DBH: variants seen among roughly 807,000 people sequenced by gnomAD.
The protein encoded by DBH is dopamine beta-hydroxylase.
In DBH, 49 loss-of-function variants were observed where a neutral mutation model predicts 64.0. The ratio of observed to expected loss-of-function variants is 0.77; its 90% CI spans 0.61 to 0.97. DBH has a LOEUF of 0.97. DBH is among the 50% of genes least tolerant of loss of function. The probability of loss-of-function intolerance (pLI) is 0.00; values close to 1 mark genes in which losing one functional copy is unlikely to be tolerated. For synonymous variants in DBH, 343 were observed against 347.1 expected, an observed-to-expected ratio of 0.99 and a Z score of 0.13; for missense variants, 828 against 826.6, an observed-to-expected ratio of 1.00 and a Z score of -0.02.
chr9:133,637,099 C>T (rs1288612869), intron 1 of DBH, among the ~76,000 whole-genome samples: 1 of 152,228 alleles, frequency 6.6e-6, no homozygotes, highest in Non-Finnish European at 1.5e-5. Flanking sequence ...CCCCAGAGCA[C>T]ACATGCCCAC....
In DBH at chr9:133,636,700, C is replaced by A; in HGVS notation, c.329C>A (p.Ala110Asp). The A allele has an allele frequency of 1.2e-6, 2 of 1,602,506 alleles. No homozygotes were observed. The highest frequency in any genetic ancestry group is 1.7e-6 in the Non-Finnish European group (2 of 1,179,914). ...LVVLWTDGDT[A>D]YFADAWSDQK... ...GTGCTCTGGACCGATGGGGACACTG[C>A]CTATTTTGCGGTGAGTCTCTCCTCC... The change falls in exon 1 of 12, where the codon GCC (alanine) becomes GAC (aspartate). Residue 110 changes from alanine to aspartate, a missense_variant. Physicochemically the swap from Ala to Asp is moderately radical, Grantham distance 126 (BLOSUM62 -2). Transcript: ENST00000393056.
rs1832054549 is a variant in DBH, at chr9:133,636,521, C to T, written c.150C>T (p.His50=). 1.2e-6 allele frequency: 2 copies of T among 1,613,396 alleles called. No individual in the cohort carries two copies. Among genetic ancestry groups the T allele is most frequent in the Non-Finnish European group, 1.7e-6 (2 of 1,180,032 alleles). ...CCCGTGAGAGCCCCCTCCCCTATCA[C>T]ATCCCCCTGGACCCGGAGGGGTCCC... ...SAPRESPLPY[H]IPLDPEGSLE... The change falls in exon 1 of 12, where the codon CAC becomes CAT. Residue 50 remains histidine (H), a synonymous_variant. Transcript: ENST00000393056.
chr9:133,644,462 C>T (rs1246877207), intron 5 of DBH, 142 bp downstream of exon 5: 2 of 745,052 alleles, frequency 2.7e-6, no homozygotes, highest in East Asian at 2.7e-5. Flanking sequence ...GCGTCTGCCT[C>T]ATCCGCTGTC....
chr9:133,651,675 CCACA>C lies in DBH; in HGVS notation c.1239_1242del (p.His414Ter), dbSNP rs768783966. ...GGATCCACATCTTCGCCTCTCAGCTCCACACACACCTGACTGGGAGAAAGGTGGT... is the reference window on the plus strand; with the variant it reads ...GGATCCACATCTTCGCCTCTCAGCTCCACACCTGACTGGGAGAAAGGTGGT... On this transcript the variant is annotated frameshift_variant, in exon 7 of 12. Transcript: ENST00000393056. LOFTEE classifies it high-confidence loss of function. 8 of 1,613,918 alleles carry C rather than the reference CCACA, an allele frequency of 5.0e-6. No individual in the cohort carries two copies. The highest frequency in any genetic ancestry group is 6.8e-6 in the Non-Finnish European group (8 of 1,180,022).
chr9:133,649,227 C>A (rs1832217385), intron 6 of DBH, among the ~76,000 whole-genome samples: 1 of 152,030 alleles, frequency 6.6e-6, no homozygotes, highest in Non-Finnish European at 1.5e-5. Flanking sequence ...GTTTTTCTTA[C>A]TGTTGGTTTC....
At position 133,643,401 on chromosome 9, in the gene DBH, G is replaced by A; in HGVS notation, c.745-12G>A. The A allele has an allele frequency of 6.2e-7, 1 of 1,613,644 alleles. No homozygotes were observed. The highest frequency in any genetic ancestry group is 1.3e-5 in the African/African-American group (1 of 75,010). On this transcript the variant is annotated splice_polypyrimidine_tract_variant and intron_variant, in intron 3 of 11. Transcript: ENST00000393056. The surrounding 1 kb of genome is among the most constrained non-coding windows in gnomAD (Gnocchi z 5.3). ...GGCCGGTTCCCGGGCTCAGAGGGCTGCCTCCTCACAGTACGAGCCCATCGT... is the reference window on the plus strand; with the variant it reads ...GGCCGGTTCCCGGGCTCAGAGGGCTACCTCCTCACAGTACGAGCCCATCGT...
chr9:133,658,895 T>G lies in DBH; in HGVS notation c.*448T>G. ...AGCGGGTGCGGGTGCCGCTTAAACATTTCCCTGCTGAGTGGCTCGTGTTTC... is the reference window on the plus strand; with the variant it reads ...AGCGGGTGCGGGTGCCGCTTAAACAGTTCCCTGCTGAGTGGCTCGTGTTTC... On this transcript the variant is annotated 3_prime_UTR_variant, in exon 12 of 12. Coordinates refer to ENST00000393056, the MANE Select transcript of DBH (RefSeq NM_000787.4). 6.5e-6 allele frequency: 1 copy of G among 153,538 alleles called. No homozygotes were observed. The highest frequency in any genetic ancestry group is 1.5e-5 in the Non-Finnish European group (1 of 68,948). 9.5% of individuals were successfully genotyped at this position (153,538 alleles called of 1,614,324 possible). A position where few individuals can be genotyped will look rare whatever the true frequency, so the allele number is the denominator to read the frequency against.
intron 10 of DBH, among the ~76,000 whole-genome samples, 160 bp from the exon 11 acceptor site, chr9:133,656,910 G>A (rs552693235): frequency 2.0e-4 from 30 of 152,340 alleles, no homozygotes; most frequent in African/African-American, 6.5e-4. Flanking sequence ...GGTGAAGGCA[G>A]CATCTGGGGT....
intron 9 of DBH, among the ~76,000 whole-genome samples, chr9:133,654,160 G>A (rs1832285783): frequency 6.6e-6 from 1 of 151,476 alleles, no homozygotes; most frequent in Non-Finnish European, 1.5e-5. Flanking sequence ...TGTCACCCAG[G>A]CTGTGTGTTC....
Position 133,652,291 on chromosome 9 carries a change from G to GC in DBH, c.1374+10dup. Reference sequence around the variant, plus strand: ...GGTCGTGTCGGTCCATCCGGTGAGTGCCCAGCGGGAAGGCTGTCCCACTCA... The same window carrying GC: ...GGTCGTGTCGGTCCATCCGGTGAGTGCCCCAGCGGGAAGGCTGTCCCACTCA... On this transcript the variant is annotated splice_region_variant and intron_variant, in intron 8 of 11. Transcript: ENST00000393056. 2.5e-6 allele frequency: 4 copies of GC among 1,613,076 alleles called. No individual in the cohort carries two copies. The East Asian group carries it at 8.9e-5, about 36-fold the overall frequency.
Position 133,658,324 on chromosome 9 carries a change from G to A in DBH, c.1731G>A (p.Trp577Ter). The A allele has an allele frequency of 6.2e-7, 1 of 1,613,870 alleles. No homozygotes were observed. Among genetic ancestry groups the A allele is most frequent in the Non-Finnish European group, 8.5e-7 (1 of 1,179,878 alleles). Residue 577 changes from tryptophan (W) to a stop codon, truncating the protein, a stop_gained, in exon 12 of 12, where the codon TGG becomes TGA. Transcript: ENST00000393056. LOFTEE classifies it low-confidence loss of function (END_TRUNC). Reference sequence around the variant, plus strand: ...TGCCCCCTTCCTTGCAGGGTGAATGGAACCTGCAGCCCCTGCCCAAGGTCA... The same window carrying A: ...TGCCCCCTTCCTTGCAGGGTGAATGAAACCTGCAGCCCCTGCCCAAGGTCA... ...KSSAVRFQGEWNLQPLPKVIS... is the reference protein window; with the variant it reads ...KSSAVRFQGE
chr9:133,647,357 C>G (rs1832193986), intron 5 of DBH, among the ~76,000 whole-genome samples: 1 of 152,226 alleles, frequency 6.6e-6, no homozygotes, highest in African/African-American at 2.4e-5. Flanking sequence ...ATGCCCTCTT[C>G]TTTGCCCAGA....
At chr9:133,652,802 C>G (rs190529525) in intron 8 of DBH, 138 bp from the exon 9 acceptor site, 22 of 705,416 alleles carry the variant, frequency 3.1e-5, no homozygotes, top group Non-Finnish European at 5.2e-5. Flanking sequence ...ATCTGCTGGG[C>G]TCCTTGTAGT....
At position 133,636,661 on chromosome 9, in the gene DBH, A is replaced by G. The variant is rs201987478; in HGVS notation, c.290A>G (p.Asn97Ser). Residue 97 changes from asparagine (N) to serine (S), a missense_variant, in exon 1 of 12, where the codon AAC becomes AGC. By Grantham distance (46) the Asn-to-Ser change is conservative. Coordinates refer to ENST00000393056, the MANE Select transcript of DBH (RefSeq NM_000787.4). ...FGMSDRGELENADLVVLWTDG... is the reference protein window; with the variant it reads ...FGMSDRGELESADLVVLWTDG... ...ATGTCCGACCGTGGCGAGCTTGAGAACGCAGATCTCGTGGTGCTCTGGACC... is the reference window on the plus strand; with the variant it reads ...ATGTCCGACCGTGGCGAGCTTGAGAGCGCAGATCTCGTGGTGCTCTGGACC... The G allele has an allele frequency of 5.0e-6, 8 of 1,610,626 alleles. No homozygotes were observed. In the African/African-American group the frequency reaches 6.7e-5, roughly 13 times the overall value.
At position 133,645,037 on chromosome 9, in the gene DBH, GCTT is replaced by G. The variant is rs958084346; in HGVS notation, c.1024+724_1024+726del. Among the ~76,000 whole-genome samples the G allele has an allele frequency of 1.6e-4, 24 of 152,246 alleles. 1 individual carries two copies. Among genetic ancestry groups the G allele is most frequent in the South Asian group, 4.2e-4 (2 of 4,812 alleles). ...CACTTTTTCTCTCTCTCTGAATGGT[GCTT>G]CTTCTTTTCATTTGTGCAAGGTGCA... is the stretch of plus-strand genomic sequence containing the variant. On this transcript the variant is annotated intron_variant, in intron 5 of 11. Transcript: ENST00000393056.
chr9:133,657,417 A>AGCGAGAG (rs1832340115), intron 11 of DBH, 188 bp downstream of exon 11: 1 of 36,928 alleles, frequency 2.7e-5, no homozygotes, highest in Non-Finnish European at 5.0e-5. Context: ...AGGAGAGAGG[A>AGCGAGAG]GAGAGAGGAG....
chr9:133,649,219 T>A (rs1832217133), intron 6 of DBH, among the ~76,000 whole-genome samples: 1 of 152,226 alleles, frequency 6.6e-6, no homozygotes, highest in South Asian at 2.1e-4. Context: ...GGTGGTTTGT[T>A]TTTCTTACTG....
chr9:133,657,532 A>G (rs1832351203), intron 11 of DBH, among the ~76,000 whole-genome samples: 1 of 150,468 alleles, frequency 6.6e-6, no homozygotes, highest in African/African-American at 2.4e-5. Context: ...GAGAGAGAGA[A>G]CCAATAACGA....
In DBH at chr9:133,657,571, C is replaced by T. The variant is rs572671062; in HGVS notation, c.1722+342C>T. On this transcript the variant is annotated intron_variant, in intron 11 of 11. Coordinates refer to ENST00000393056, the MANE Select transcript of DBH (RefSeq NM_000787.4). Reference sequence around the variant, plus strand: ...AAGGAAGGGAGGGCAGGCACCCTCTCTGGTGACACCTCCACACTGTACCGA... The same window carrying T: ...AAGGAAGGGAGGGCAGGCACCCTCTTTGGTGACACCTCCACACTGTACCGA... Among the ~76,000 whole-genome samples, 28 of 152,246 alleles carry T rather than the reference C, an allele frequency of 1.8e-4. No homozygotes were observed. In the South Asian group the frequency reaches 2.3e-3, roughly 12 times the overall value.
Sources: gnomAD v4.1 joint callset for allele counts (sites outside exome capture counted in the v4.1 genomes callset) on GRCh38, gnomAD v4.1.1 for gene constraint, Gnocchi (gnomAD v3.1) non-coding constraint, MANE v1.5 for transcripts, NCBI Gene and HGNC (gene_info 2026-07-23, HGNC 2026-07-21) for gene names.